The following NRXN3 variants were observed in gnomAD, a reference collection of about 807,000 sequenced individuals.
NRXN3 encodes the protein neurexin 3.
A neutral mutation model predicts 137.6 loss-of-function variants in NRXN3; 32 were observed. The ratio of observed to expected loss-of-function variants is 0.23; its 90% CI spans 0.18 to 0.31. The LOEUF is 0.31. NRXN3 is among the 10% of genes least tolerant of loss of function. The pLI, the probability that NRXN3 is intolerant of heterozygous loss-of-function variation, is 1.00. For missense variants in NRXN3, 1,574 were observed against 2,062.5 expected, an observed-to-expected ratio of 0.76 and a Z score of 4.59; for synonymous variants, 798 against 784.5, an observed-to-expected ratio of 1.02 and a Z score of -0.29.
intron 16 of NRXN3, among the ~76,000 whole-genome samples, chr14:79,546,696 G>T (rs957251034): frequency 9.9e-5 from 15 of 152,116 alleles, no homozygotes; most frequent in African/African-American, 3.6e-4. Context: ...TAGCGCAAGT[G>T]GTGGATAGAT....
chr14:78,714,778 G>A lies in NRXN3; in HGVS notation c.1683G>A (p.Arg561=). Residue 561 remains arginine (R), a synonymous_variant, in exon 8 of 21, where the codon AGG becomes AGA. Transcript: ENST00000335750. ...CAGGTACTATATCAGTGAACAGCAG[G>A]CGCACGCCATTCACCGCCAGTGGGG... ...GRSGTISVNS[R]RTPFTASGES... 1 of 1,614,058 alleles carries A rather than the reference G, an allele frequency of 6.2e-7. No individual in the cohort carries two copies. Among genetic ancestry groups the A allele is most frequent in the South Asian group, 1.1e-5 (1 of 91,076 alleles).
intron 1 of NRXN3, among the ~76,000 whole-genome samples, chr14:78,239,703 C>T (rs555119085): frequency 1.3e-5 from 2 of 151,872 alleles, no homozygotes; most frequent in South Asian, 2.1e-4. Context: ...CTTTTCTTTT[C>T]TTTCTTTCTT....
intron 4 of NRXN3, among the ~76,000 whole-genome samples, chr14:78,498,055 G>A (rs1358230801): frequency 1.3e-5 from 2 of 152,130 alleles, no homozygotes; most frequent in Admixed American, 6.6e-5. Context: ...TTATGGAGAC[G>A]GGGATATTTT....
At chr14:78,354,854 A>G (rs933653771) in intron 4 of NRXN3, among the ~76,000 whole-genome samples, 3 of 152,214 alleles carry the variant, frequency 2.0e-5, no homozygotes, top group African/African-American at 7.2e-5. Context: ...TGAGTAAGAC[A>G]TCAGTGTAAA....
At chr14:79,629,818 TGTGTGTGC>T (rs1222355965) in intron 16 of NRXN3, among the ~76,000 whole-genome samples, 2 of 73,090 alleles carry the variant, frequency 2.7e-5, no homozygotes, top group Non-Finnish European at 4.7e-5. Context: ...TATGTGCGTG[TGTGTGTGC>T]GTGTGTGTGT....
intron 8 of NRXN3, among the ~76,000 whole-genome samples, chr14:78,788,641 C>CATT (rs2098796313): frequency 6.6e-6 from 1 of 152,150 alleles, no homozygotes; most frequent in Non-Finnish European, 1.5e-5. Flanking sequence ...CCCCTAGACC[C>CATT]ATTAGGGAAA....
intron 4 of NRXN3, among the ~76,000 whole-genome samples, chr14:78,435,292 T>C (rs1273937418): frequency 6.6e-6 from 1 of 152,204 alleles, no homozygotes; most frequent in Non-Finnish European, 1.5e-5. Context: ...CCACTATTGA[T>C]TGAGGGTCTG....
intron 15 of NRXN3, among the ~76,000 whole-genome samples, chr14:79,054,584 G>A (rs1427112911): frequency 6.6e-6 from 1 of 152,188 alleles, no homozygotes; most frequent in Non-Finnish European, 1.5e-5. Context: ...GTCAAAATAT[G>A]CCTTTGGGAA....
chr14:78,813,025 A>G (rs1205415301), intron 10 of NRXN3, among the ~76,000 whole-genome samples: 1 of 1,698 alleles, frequency 5.9e-4, no homozygotes, highest in Admixed American at 0.015. Context: ...AGTAAATATA[A>G]TACATTTTTT....
At chr14:78,664,207 T>A (rs1458642353) in intron 6 of NRXN3, among the ~76,000 whole-genome samples, 2 of 152,190 alleles carry the variant, frequency 1.3e-5, no homozygotes, top group Non-Finnish European at 2.9e-5. Context: ...TATCTCATAC[T>A]TTGTAGGGAA....
At chr14:79,265,372 T>C (rs1181169511) in intron 15 of NRXN3, among the ~76,000 whole-genome samples, 1 of 151,838 alleles carries the variant, frequency 6.6e-6, no homozygotes, top group Non-Finnish European at 1.5e-5. Flanking sequence ...GTGCCACATA[T>C]AGTAACCACC....
chr14:79,710,658 A>C (rs531444100), intron 19 of NRXN3, among the ~76,000 whole-genome samples: 2 of 152,346 alleles, frequency 1.3e-5, no homozygotes, highest in East Asian at 3.9e-4. Flanking sequence ...AGGTGCCCCC[A>C]TGTTACTTCA....
At chr14:78,265,740 C>T (rs917270951) in intron 2 of NRXN3, among the ~76,000 whole-genome samples, 8 of 152,200 alleles carry the variant, frequency 5.3e-5, no homozygotes, top group Admixed American at 2.0e-4. Flanking sequence ...CTGATTTCAG[C>T]TCCAAAATTG....
intron 10 of NRXN3, among the ~76,000 whole-genome samples, chr14:78,907,741 A>G (rs1443890701): frequency 6.6e-6 from 1 of 151,952 alleles, no homozygotes; most frequent in Non-Finnish European, 1.5e-5. Context: ...TATCACCCAG[A>G]TATTAAGCCT....
chr14:79,435,593 T>TACACAG (rs2095833149), intron 15 of NRXN3, among the ~76,000 whole-genome samples: 1 of 143,824 alleles, frequency 7.0e-6, no homozygotes, highest in Non-Finnish European at 1.5e-5. Context: ...AACACTAAGA[T>TACACAG]ACACACACAC....
intron 15 of NRXN3, among the ~76,000 whole-genome samples, chr14:79,422,144 C>T (rs942623744): frequency 6.6e-5 from 10 of 152,110 alleles, no homozygotes; most frequent in Non-Finnish European, 8.8e-5. Context: ...ACTGTAGCCT[C>T]GACATTCTGG....
At chr14:78,251,668 T>C (rs1033415787) in intron 2 of NRXN3, among the ~76,000 whole-genome samples, 1 of 152,160 alleles carries the variant, frequency 6.6e-6, no homozygotes, top group Non-Finnish European at 1.5e-5. Flanking sequence ...GCAGGGAATA[T>C]AGGAATGTCA....
chr14:78,493,225 G>A (rs183320025), intron 4 of NRXN3, among the ~76,000 whole-genome samples: 44 of 152,148 alleles, frequency 2.9e-4, no homozygotes, highest in African/African-American at 1.1e-3. Context: ...AATAGATTAA[G>A]AATTAGCCAG....
chr14:79,480,309 C>T (rs963189008), intron 16 of NRXN3, among the ~76,000 whole-genome samples: 1 of 152,126 alleles, frequency 6.6e-6, no homozygotes, highest in Non-Finnish European at 1.5e-5. Context: ...ATCAGCAGTA[C>T]TGGAGCTGGT....
Sources: gnomAD v4.1 joint callset for allele counts (sites outside exome capture counted in the v4.1 genomes callset) on GRCh38, gnomAD v4.1.1 for gene constraint, MANE v1.5 for transcripts, NCBI Gene and HGNC (gene_info 2026-07-23, HGNC 2026-07-21) for gene names.